Variants in LBX1 observed in about 807,000 individuals in gnomAD.
LBX1 encodes the protein transcription factor LBX1.
LBX1 carries 6 observed loss-of-function variants against 19.9 expected under a neutral mutation model. That is an observed-to-expected ratio of 0.30 (90% CI 0.17 to 0.60). LBX1 has a LOEUF of 0.60. Among genes scored for constraint, LBX1 ranks in the 20% least tolerant of loss-of-function variants. The pLI, the probability that LBX1 is intolerant of heterozygous loss-of-function variation, is 0.87. For missense variants in LBX1, 344 were observed against 393.7 expected (o/e 0.87, Z 1.07); for synonymous variants, 190 against 189.3 (o/e 1.00, Z -0.03).
Position 101,228,617 on chromosome 10 carries a change from C to A in LBX1, c.199G>T (p.Ala67Ser). ...CCCGCCAGGGGCAAGCCGCCCTGCGCGTGCTTGTCCGCGGCGGCCAGCAGG... is the reference window on the plus strand; with the variant it reads ...CCCGCCAGGGGCAAGCCGCCCTGCGAGTGCTTGTCCGCGGCGGCCAGCAGG... ...AHLLAAADKH[A>S]QGGLPLAGRA... The change falls in exon 1 of 2, where the codon GCG becomes TCG. Residue 67 changes from alanine (A) to serine (S), a missense_variant. By Grantham distance (99) the Ala-to-Ser change is moderately conservative (BLOSUM62 1). Around this residue, in one of 3 missense-constraint regions of LBX1, gnomAD observed 153 missense variants for 168.9 expected, o/e 0.91. Coordinates refer to ENST00000370193, the MANE Select transcript of LBX1 (RefSeq NM_006562.5). 1 of 1,571,206 alleles carries A rather than the reference C, an allele frequency of 6.4e-7. No homozygotes were observed. The highest frequency in any genetic ancestry group is 8.6e-7 in the Non-Finnish European group (1 of 1,158,780).
intron 1 of LBX1, 89 bp downstream of exon 1, chr10:101,228,402 G>T: frequency 2.0e-6 from 2 of 1,023,732 alleles, no homozygotes; most frequent in Non-Finnish European, 2.8e-6. Context: ...GCCGGAGAGG[G>T]CAGAGGCGAG....
intron 1 of LBX1, 112 bp from the exon 2 acceptor site, chr10:101,227,902 T>A: frequency 1.0e-6 from 1 of 998,154 alleles, no homozygotes; most frequent in Non-Finnish European, 1.4e-6. Context: ...AGTCTACCAA[T>A]GTTCCCTTCT....
rs1196344813 is a variant in LBX1 at position 101,228,896 on chromosome 10, G to A, written c.-81C>T. On this transcript the variant is annotated 5_prime_UTR_variant, in exon 1 of 2. Transcript: ENST00000370193. The stretch of plus-strand genomic sequence containing the variant: ...GCGGGCAGCTCGGGCGCCGGACGGC[G>A]CGGGCAGGCAGCGGCGGGTGGAAAG... 1.6e-5 allele frequency: 16 copies of A among 1,031,044 alleles called. No homozygotes were observed. The highest frequency in any genetic ancestry group is 1.8e-5 in the Non-Finnish European group (14 of 797,578). 63.9% of individuals were successfully genotyped at this position (1,031,044 alleles called of 1,614,324 possible).
chr10:101,228,546 C>G lies in LBX1; in HGVS notation c.270G>C (p.Glu90Asp). The stretch of plus-strand genomic sequence containing the variant: ...GCCCCTTAAACGTCTTGCTGGCGAG[C>G]TCCTCCAGCGCGCACAGCGGCGAGG... ...SQTSPLCALEELASKTFKGLE... is the reference protein window; with the variant it reads ...SQTSPLCALEDLASKTFKGLE... Residue 90 changes from glutamate to aspartate, a missense_variant, in exon 1 of 2, where the codon GAG (glutamate) becomes GAC (aspartate). Coordinates refer to ENST00000370193, the MANE Select transcript of LBX1 (RefSeq NM_006562.5). 1 of 1,555,006 alleles carries G rather than the reference C, an allele frequency of 6.4e-7. No individual in the cohort carries two copies. Among genetic ancestry groups the G allele is most frequent in the Non-Finnish European group, 8.7e-7 (1 of 1,149,264 alleles).
chr10:101,227,884 C>A, intron 1 of LBX1, 94 bp from the exon 2 acceptor site: 2 of 1,185,866 alleles, frequency 1.7e-6, no homozygotes, highest in African/African-American at 1.5e-5. Context: ...CAGGCCTGTC[C>A]GGCCTGCAGT....
chr10:101,227,419 C>G lies in LBX1; in HGVS notation c.697G>C (p.Gly233Arg). Reference protein sequence around the residue: ...GGCGRAKSRPGSPVLPPGAPK... With the variant: ...GGCGRAKSRPRSPVLPPGAPK... Reference sequence around the variant, plus strand: ...GCGCCTGGGGGGAGGACCGGAGAGCCGGGCCTCGACTTGGCCCTGCCGCAG... The same window carrying G: ...GCGCCTGGGGGGAGGACCGGAGAGCGGGGCCTCGACTTGGCCCTGCCGCAG... Residue 233 changes from glycine (G) to arginine (R), a missense_variant, in exon 2 of 2, where the codon GGC becomes CGC. By Grantham distance (125) the Gly-to-Arg change is moderately radical. Around this residue, in one of 3 missense-constraint regions of LBX1, gnomAD observed 146 missense variants for 124.2 expected, o/e 1.18. Coordinates refer to ENST00000370193, the MANE Select transcript of LBX1 (RefSeq NM_006562.5). 6.3e-7 allele frequency: 1 copy of G among 1,596,300 alleles called. No homozygotes were observed. Among genetic ancestry groups the G allele is most frequent in the Non-Finnish European group, 8.5e-7 (1 of 1,173,504 alleles).
At chr10:101,227,875 A>G in intron 1 of LBX1, 85 bp from the exon 2 acceptor site, 2 of 1,320,880 alleles carry the variant, frequency 1.5e-6, no homozygotes, top group Non-Finnish European at 2.1e-6. Flanking sequence ...TAACCCACCC[A>G]GGCCTGTCCG....
rs377566797 is a variant in LBX1, at chr10:101,227,698, A to G, written c.418T>C (p.Leu140=). ...TTCTGGTATAGAAAGCGCTTTTCCA[A>G]TTCATAGATCTGGTGGTTGGTGAAG... ...TAFTNHQIYE[L]EKRFLYQKYL... The change falls in exon 2 of 2, where the codon TTG becomes CTG. Residue 140 remains leucine, a synonymous_variant. Transcript: ENST00000370193. 9.3e-6 allele frequency: 15 copies of G among 1,613,604 alleles called. No homozygotes were observed. The highest frequency in any genetic ancestry group is 1.7e-5 in the Admixed American group (1 of 60,004).
chr10:101,227,498 C>G lies in LBX1; in HGVS notation c.618G>C (p.Val206=), dbSNP rs763334617. The G allele has an allele frequency of 6.2e-6, 10 of 1,611,480 alleles. No individual in the cohort carries two copies. The highest frequency in any genetic ancestry group is 5.9e-6 in the Non-Finnish European group (7 of 1,178,334). The part of the protein sequence containing the change: ...KLGPSGQMDI[V]ALAELEQNSE... ...AGTTCTGCTCGAGTTCGGCCAGCGCCACGATGTCCATCTGCCCGCTGGGGC... is the reference window on the plus strand; with the variant it reads ...AGTTCTGCTCGAGTTCGGCCAGCGCGACGATGTCCATCTGCCCGCTGGGGC... Residue 206 remains valine (V), a synonymous_variant, in exon 2 of 2, where the codon GTG becomes GTC. Coordinates refer to ENST00000370193, the MANE Select transcript of LBX1 (RefSeq NM_006562.5).
chr10:101,227,337 T>C lies in LBX1; in HGVS notation c.779A>G (p.Asp260Gly). 3 of 1,609,114 alleles carry C rather than the reference T, an allele frequency of 1.9e-6. No individual in the cohort carries two copies. The highest frequency in any genetic ancestry group is 2.5e-6 in the Non-Finnish European group (3 of 1,178,818). The change falls in exon 2 of 2, where the codon GAC (aspartate) becomes GGC (glycine). Residue 260 changes from aspartate to glycine, a missense_variant. Physicochemically the swap from Asp to Gly is moderately conservative, Grantham distance 94 (BLOSUM62 -1). This residue lies in a region of LBX1 where 146 missense variants were observed against 124.2 expected (regional missense o/e 1.18). Coordinates refer to ENST00000370193, the MANE Select transcript of LBX1 (RefSeq NM_006562.5). The part of the protein sequence containing the change: ...LQLSPASPLT[D>G]QPASSQDCSE... ...GCAGTCCTGGCTGCTGGCCGGCTGG[T>C]CCGTGAGCGGAGAGGCAGGCGAGAG...
chr10:101,227,468 C>T lies in LBX1; in HGVS notation c.648G>A (p.Glu216=). 6.2e-7 allele frequency: 1 copy of T among 1,604,358 alleles called. No individual in the cohort carries two copies. ...AGCCGCCGCCACCGCCGGCTGTGGC[C>T]TCCGAGTTCTGCTCGAGTTCGGCCA... is the stretch of plus-strand genomic sequence containing the variant. The part of the protein sequence containing the change: ...VALAELEQNS[E]ATAGGGGGCG... The change falls in exon 2 of 2, where the codon GAG becomes GAA. Residue 216 remains glutamate, a synonymous_variant. Coordinates refer to ENST00000370193, the MANE Select transcript of LBX1 (RefSeq NM_006562.5).
rs1476953432 is a variant in LBX1, at chr10:101,227,580, TTAGCGCGCCGATTCTGGAACCA to T, written c.514_535del (p.Trp172SerfsTer9). 6.2e-7 allele frequency: 1 copy of T among 1,614,204 alleles called. No individual in the cohort carries two copies. The highest frequency in any genetic ancestry group is 8.5e-7 in the Non-Finnish European group (1 of 1,180,020). Reference sequence around the variant, plus strand: ...CATCTCCTCCAGGTCCCGCTTGAGCTTAGCGCGCCGATTCTGGAACCAGGTGATGACTTGCGCGTTGGTGAGG... The same window carrying T: ...CATCTCCTCCAGGTCCCGCTTGAGCTGGTGATGACTTGCGCGTTGGTGAGG... On this transcript the variant is annotated frameshift_variant, in exon 2 of 2. Coordinates refer to ENST00000370193, the MANE Select transcript of LBX1 (RefSeq NM_006562.5). LOFTEE classifies it high-confidence loss of function.
Position 101,227,251 on chromosome 10 carries a change from G to C in LBX1, c.*19C>G. On this transcript the variant is annotated 3_prime_UTR_variant, in exon 2 of 2. Coordinates refer to ENST00000370193, the MANE Select transcript of LBX1 (RefSeq NM_006562.5). ...TCGAGCGCTAGGAGCCCAGGGCGGCGGAAGACCCGGGGCGCCGCTCAATCG... is the reference window on the plus strand; with the variant it reads ...TCGAGCGCTAGGAGCCCAGGGCGGCCGAAGACCCGGGGCGCCGCTCAATCG... 1 of 1,594,864 alleles carries C rather than the reference G, an allele frequency of 6.3e-7. No homozygotes were observed. Among genetic ancestry groups the C allele is most frequent in the Non-Finnish European group, 8.5e-7 (1 of 1,173,368 alleles).
chr10:101,227,165 G>A lies in LBX1; in HGVS notation c.*105C>T, dbSNP rs987888953. The A allele has an allele frequency of 1.6e-5, 18 of 1,109,590 alleles. 1 individual carries two copies. In the East Asian group the frequency reaches 4.6e-4, roughly 28 times the overall value. 68.7% of individuals were successfully genotyped at this position (1,109,590 alleles called of 1,614,324 possible). A position where few individuals can be genotyped will look rare whatever the true frequency, so the allele number is the denominator to read the frequency against. Reference sequence around the variant, plus strand: ...CGGGGCCGGGGACAGGGGAGGAGGCGGGAGTTGGCAGAGGAGGTCCCAGCT... The same window carrying A: ...CGGGGCCGGGGACAGGGGAGGAGGCAGGAGTTGGCAGAGGAGGTCCCAGCT... On this transcript the variant is annotated 3_prime_UTR_variant, in exon 2 of 2. Transcript: ENST00000370193.
rs1485636644 is a variant in LBX1 at position 101,227,567 on chromosome 10, G to C, written c.549C>G (p.Asp183Glu). ...CTACGTCGGCCTTCATCTCCTCCAG[G>C]TCCCGCTTGAGCTTAGCGCGCCGAT... is the stretch of plus-strand genomic sequence containing the variant. Reference protein sequence around the residue: ...FQNRRAKLKRDLEEMKADVES... With the variant: ...FQNRRAKLKRELEEMKADVES... The change falls in exon 2 of 2, where the codon GAC becomes GAG. Residue 183 changes from aspartate (D) to glutamate (E), a missense_variant. This residue lies in a region of LBX1 where 45 missense variants were observed against 100.7 expected (regional missense o/e 0.45). Coordinates refer to ENST00000370193, the MANE Select transcript of LBX1 (RefSeq NM_006562.5). The C allele has an allele frequency of 6.2e-7, 1 of 1,614,174 alleles. No individual in the cohort carries two copies. Among genetic ancestry groups the C allele is most frequent in the Non-Finnish European group, 8.5e-7 (1 of 1,180,028 alleles).
Position 101,227,031 on chromosome 10 carries a change from C to T in LBX1, c.*239G>A. On this transcript the variant is annotated 3_prime_UTR_variant, in exon 2 of 2. Coordinates refer to ENST00000370193, the MANE Select transcript of LBX1 (RefSeq NM_006562.5). ...TTTATATAGAAGCCATACAGAATTG[C>T]ACGGCGAGGGCTTCCGGGGCGGCGG... 5 of 459,914 alleles carry T rather than the reference C, an allele frequency of 1.1e-5. No homozygotes were observed. In the South Asian group the frequency reaches 1.5e-4, roughly 14 times the overall value. The allele number at this position is 459,914 out of a possible 1,614,324, so 28.5% of individuals were successfully genotyped here.
chr10:101,227,344 G>A lies in LBX1; in HGVS notation c.772C>T (p.Leu258Phe), dbSNP rs1312787281. 6.2e-7 allele frequency: 1 copy of A among 1,608,970 alleles called. No individual in the cohort carries two copies. The highest frequency in any genetic ancestry group is 1.3e-5 in the African/African-American group (1 of 74,576). ...TGGCTGCTGGCCGGCTGGTCCGTGAGCGGAGAGGCAGGCGAGAGCTGCAGG... is the reference window on the plus strand; with the variant it reads ...TGGCTGCTGGCCGGCTGGTCCGTGAACGGAGAGGCAGGCGAGAGCTGCAGG... ...GALQLSPASP[L>F]TDQPASSQDC... Residue 258 changes from leucine to phenylalanine, a missense_variant, in exon 2 of 2, where the codon CTC (leucine) becomes TTC (phenylalanine). By Grantham distance (22) the Leu-to-Phe change is conservative. This residue lies in a region of LBX1 where 146 missense variants were observed against 124.2 expected (regional missense o/e 1.18). Coordinates refer to ENST00000370193, the MANE Select transcript of LBX1 (RefSeq NM_006562.5).
chr10:101,228,207 G>A (rs1338868458), intron 1 of LBX1, among the ~76,000 whole-genome samples: 1 of 152,142 alleles, frequency 6.6e-6, no homozygotes, highest in Non-Finnish European at 1.5e-5. Context: ...GGCTAAGAGC[G>A]CCCAGGACAC....
intron 1 of LBX1, 81 bp downstream of exon 1, chr10:101,228,410 G>T (rs1169506985): frequency 2.7e-6 from 3 of 1,128,120 alleles, no homozygotes; most frequent in East Asian, 2.7e-5. Flanking sequence ...GGGCAGAGGC[G>T]AGCAGAGGCA....
Sources: allele counts gnomAD v4.1 joint callset (sites outside exome capture counted in the v4.1 genomes callset), GRCh38; gene constraint gnomAD v4.1.1; regional missense constraint gnomAD v4.1.1; transcripts MANE v1.5; gene names NCBI Gene and HGNC (gene_info 2026-07-23, HGNC 2026-07-21).